The following CLEC16A variants were observed in gnomAD, a reference collection of about 807,000 sequenced individuals.
CLEC16A encodes protein CLEC16A.
CLEC16A carries 51 observed loss-of-function variants against 109.5 expected under a neutral mutation model. The ratio of observed to expected loss-of-function variants is 0.47; its 90% CI spans 0.37 to 0.59. CLEC16A has a LOEUF of 0.59. CLEC16A is among the 20% of genes least tolerant of loss of function. CLEC16A has a pLI of 0.00. For synonymous variants in CLEC16A, 673 were observed against 564.2 expected (o/e 1.19, Z -2.73); for missense variants, 1,339 against 1,394.0 (o/e 0.96, Z 0.63).
In CLEC16A at chr16:11,092,361, A is replaced by C. The variant is rs7184801; in HGVS notation, c.2117-28254A>C. Among the ~76,000 whole-genome samples, 406 of 132,534 alleles carry C rather than the reference A, an allele frequency of 3.1e-3. 8 individuals carry two copies. The highest frequency in any genetic ancestry group is 0.026 in the Admixed American group (338 of 13,142). The allele number at this position is 132,534 out of a possible 152,430, so 86.9% of individuals were successfully genotyped here. ...CTGTCTCAAAAAACAAACAAAAACA[A>C]ACACACACACACACACACACACACA... is the stretch of plus-strand genomic sequence containing the variant. On this transcript the variant is annotated intron_variant, in intron 19 of 23. Coordinates refer to ENST00000409790, the MANE Select transcript of CLEC16A (RefSeq NM_015226.3).
chr16:11,002,637 A>G (rs941225359), intron 10 of CLEC16A, among the ~76,000 whole-genome samples: 26 of 151,810 alleles, frequency 1.7e-4, no homozygotes, highest in Admixed American at 1.3e-3. Context: ...CCCTCCCATC[A>G]TCCACCCCCT....
chr16:11,125,572 A>G (rs2052745530), intron 21 of CLEC16A, among the ~76,000 whole-genome samples: 1 of 152,208 alleles, frequency 6.6e-6, no homozygotes, highest in Non-Finnish European at 1.5e-5. Context: ...ATGTGCGGAT[A>G]TACATACACA....
chr16:11,046,030 C>T (rs1381654924), intron 16 of CLEC16A, among the ~76,000 whole-genome samples: 2 of 152,110 alleles, frequency 1.3e-5, no homozygotes, highest in East Asian at 3.9e-4. Flanking sequence ...ACATCCCAAA[C>T]CGCACTTGGC....
chr16:11,045,113 G>A (rs1044703573), intron 16 of CLEC16A, among the ~76,000 whole-genome samples: 2 of 152,072 alleles, frequency 1.3e-5, no homozygotes, highest in African/African-American at 4.8e-5. Context: ...GGGAGGCTGC[G>A]GCGGTCAGAT....
chr16:11,153,638 C>T (rs1217403163), intron 22 of CLEC16A, among the ~76,000 whole-genome samples: 1 of 150,722 alleles, frequency 6.6e-6, no homozygotes, highest in Non-Finnish European at 1.5e-5. Context: ...TTCTTCTTGA[C>T]GCACATTATA....
intron 19 of CLEC16A, among the ~76,000 whole-genome samples, chr16:11,085,179 G>T (rs2049943238): frequency 6.6e-6 from 1 of 152,252 alleles, no homozygotes; most frequent in Non-Finnish European, 1.5e-5. Flanking sequence ...TTACAGACGA[G>T]GCCATGAAGC....
chr16:11,146,783 A>T, intron 22 of CLEC16A, among the ~76,000 whole-genome samples: 1 of 151,884 alleles, frequency 6.6e-6, no homozygotes, highest in African/African-American at 2.4e-5. Context: ...GGAGAGAGGG[A>T]TGGATGGATG....
intron 22 of CLEC16A, among the ~76,000 whole-genome samples, chr16:11,143,917 T>C (rs962072019): frequency 1.9e-4 from 29 of 152,332 alleles, no homozygotes; most frequent in African/African-American, 7.0e-4. Context: ...CCTGGCCTCC[T>C]GCTCTGTGTT....
chr16:11,171,898 GCATA>G (rs1307029711), intron 23 of CLEC16A, among the ~76,000 whole-genome samples: 4 of 147,066 alleles, frequency 2.7e-5, no homozygotes. Context: ...ATACAAATGT[GCATA>G]CATAGTCACA....
chr16:11,012,197 TG>T (rs1164909218), intron 11 of CLEC16A, among the ~76,000 whole-genome samples: 3 of 152,232 alleles, frequency 2.0e-5, no homozygotes, highest in Admixed American at 1.3e-4. Context: ...GTTAAGTTCA[TG>T]TGGCATACTT....
Position 11,178,938 on chromosome 16 carries a change from C to T in CLEC16A, c.*248C>T, listed in dbSNP as rs992132947. On this transcript the variant is annotated 3_prime_UTR_variant, in exon 24 of 24. Transcript: ENST00000409790. This position sits in a 1 kb window ranked among gnomAD's most constrained non-coding sequence, Gnocchi z 6.5. ...ACACCGCGGCGAATGCAGATGACTGCACCGGCCACTCAGGGAGCTGCCTGG... is the reference window on the plus strand; with the variant it reads ...ACACCGCGGCGAATGCAGATGACTGTACCGGCCACTCAGGGAGCTGCCTGG... 3.9e-5 allele frequency: 17 copies of T among 441,176 alleles called. No homozygotes were observed. Among genetic ancestry groups the T allele is most frequent in the Admixed American group, 1.2e-4 (3 of 24,374 alleles). 27.3% of individuals were successfully genotyped at this position (441,176 alleles called of 1,614,324 possible).
chr16:11,058,728 A>G (rs910182960), intron 18 of CLEC16A, among the ~76,000 whole-genome samples: 8 of 152,290 alleles, frequency 5.3e-5, no homozygotes, highest in African/African-American at 1.7e-4. Context: ...GTATTTATTG[A>G]AAGGTTACAG....
intron 19 of CLEC16A, among the ~76,000 whole-genome samples, chr16:11,119,934 G>C (rs1597449593): frequency 6.7e-6 from 1 of 148,614 alleles, no homozygotes; most frequent in Non-Finnish European, 1.5e-5. Context: ...TTCTTGGATT[G>C]CTGATTGTTT....
rs1483976760 is a variant in CLEC16A, at chr16:10,957,905, A to G, written c.204A>G (p.Val68=). ...LIWGDQNDSS[V]FDFFLEKNMF... ...GGGGAGATCAAAATGACAGCTCTGT[A>G]TTTGAGTAAGGGTTTCTAATGATTG... The change falls in exon 2 of 24, where the codon GTA becomes GTG. Residue 68 remains valine, a synonymous_variant. Transcript: ENST00000409790. 1 of 1,613,700 alleles carries G rather than the reference A, an allele frequency of 6.2e-7. No individual in the cohort carries two copies. The highest frequency in any genetic ancestry group is 1.3e-5 in the African/African-American group (1 of 75,010).
At chr16:10,967,217 C>T (rs893829138) in intron 3 of CLEC16A, among the ~76,000 whole-genome samples, 1 of 152,176 alleles carries the variant, frequency 6.6e-6, no homozygotes, top group Non-Finnish European at 1.5e-5. Context: ...ACTGTGGCTT[C>T]CATCACGATC....
At chr16:11,133,275 G>C (rs1416680874) in intron 22 of CLEC16A, among the ~76,000 whole-genome samples, 1 of 151,650 alleles carries the variant, frequency 6.6e-6, no homozygotes, top group African/African-American at 2.4e-5. Context: ...GGAGGTGGAG[G>C]TTGCAGTGAG....
chr16:11,055,076 C>G (rs1174909585), intron 18 of CLEC16A, among the ~76,000 whole-genome samples: 2 of 152,172 alleles, frequency 1.3e-5, no homozygotes, highest in Admixed American at 6.5e-5. Context: ...TTCATAGATT[C>G]ATCAAAGAGC....
At chr16:11,002,782 A>G (rs771239882) in intron 10 of CLEC16A, among the ~76,000 whole-genome samples, 5 of 152,132 alleles carry the variant, frequency 3.3e-5, no homozygotes, top group Non-Finnish European at 2.9e-5. Context: ...AATCGTCCCC[A>G]TGTTGCTGCA....
intron 19 of CLEC16A, among the ~76,000 whole-genome samples, chr16:11,082,511 G>A (rs1841518710): frequency 6.6e-6 from 1 of 152,242 alleles, no homozygotes; most frequent in African/African-American, 2.4e-5. Flanking sequence ...CTACAGGTAA[G>A]ACTTGATGAG....
Sources: allele counts gnomAD v4.1 joint callset (sites outside exome capture counted in the v4.1 genomes callset), GRCh38; gene constraint gnomAD v4.1.1; non-coding constraint Gnocchi (gnomAD v3.1); transcripts MANE v1.5; gene names NCBI Gene and HGNC (gene_info 2026-07-23, HGNC 2026-07-21).